PLSCR2: variants seen among roughly 807,000 people sequenced by gnomAD.
The protein encoded by PLSCR2 is PL scramblase 2.
PLSCR2 carries 18 observed loss-of-function variants against 25.3 expected under a neutral mutation model. That is an observed-to-expected ratio of 0.71 (90% confidence interval 0.49 to 1.06). The LOEUF is 1.06. PLSCR2 is among the 50% of genes least tolerant of loss of function. The probability of loss-of-function intolerance (pLI) is 0.00; values close to 1 mark genes in which losing one functional copy is unlikely to be tolerated. For missense variants in PLSCR2, 243 were observed against 269.5 expected, an observed-to-expected ratio of 0.90 and a Z score of 0.69; for synonymous variants, 88 against 87.3, an observed-to-expected ratio of 1.01 and a Z score of -0.04.
At chr3:146,441,183 T>TA (rs1386277980), downstream of PLSCR2, among the ~76,000 whole-genome samples, 1 of 151,964 alleles carries the variant, frequency 6.6e-6, no homozygotes, top group Non-Finnish European at 1.5e-5. Flanking sequence ...TTCTGAAGAT[T>TA]AAAAAATACT....
At chr3:146,444,747 T>G (rs2040448394) in intron 6 of PLSCR2, among the ~76,000 whole-genome samples, 1 of 152,098 alleles carries the variant, frequency 6.6e-6, no homozygotes, top group African/African-American at 2.4e-5. Flanking sequence ...TTAGTCCATT[T>G]ATATTCAATG....
chr3:146,491,797 T>C (rs2043561387), intron 1 of PLSCR2, among the ~76,000 whole-genome samples: 1 of 152,206 alleles, frequency 6.6e-6, no homozygotes. Flanking sequence ...TCTGTATCTT[T>C]GAGGTTCCTT....
At chr3:146,412,766 G>A (rs948479257) in intron 2 of PLSCR2, among the ~76,000 whole-genome samples, 5 of 152,040 alleles carry the variant, frequency 3.3e-5, no homozygotes, top group Non-Finnish European at 7.4e-5. Flanking sequence ...TTCCCCTATT[G>A]GCTAGGGTTG....
At chr3:146,406,970 C>T (rs2038678104) in intron 2 of PLSCR2, among the ~76,000 whole-genome samples, 1 of 152,114 alleles carries the variant, frequency 6.6e-6, no homozygotes, top group African/African-American at 2.4e-5. Flanking sequence ...TGTGATATTT[C>T]TGCTAATTGG....
chr3:146,491,296 T>C (rs989680027), intron 1 of PLSCR2, among the ~76,000 whole-genome samples: 2 of 152,036 alleles, frequency 1.3e-5, no homozygotes, highest in Admixed American at 1.3e-4. Context: ...GTTGGTTTGT[T>C]TGCATTGACT....
intron 2 of PLSCR2, 118 bp from the exon 3 acceptor site, chr3:146,458,571 A>G: frequency 1.5e-6 from 1 of 672,918 alleles, no homozygotes; most frequent in Non-Finnish European, 2.1e-6. Context: ...TCAATATCAA[A>G]TTTTAATAAG....
At chr3:146,419,521 A>G (rs1430011934) in intron 2 of PLSCR2, among the ~76,000 whole-genome samples, 7 of 152,270 alleles carry the variant, frequency 4.6e-5, no homozygotes, top group African/African-American at 1.7e-4. Flanking sequence ...TGTTGCTGCT[A>G]TAACACATCA....
chr3:146,477,619 G>A (rs2042333390), intron 1 of PLSCR2, among the ~76,000 whole-genome samples: 1 of 152,224 alleles, frequency 6.6e-6, no homozygotes, highest in South Asian at 2.1e-4. Flanking sequence ...AGCTCAGCAA[G>A]GCCTACAGCC....
upstream of PLSCR2, among the ~76,000 whole-genome samples, chr3:146,461,580 A>G (rs1212765444): frequency 6.6e-6 from 1 of 152,216 alleles, no homozygotes; most frequent in Non-Finnish European, 1.5e-5. Flanking sequence ...TTAGATGGAT[A>G]TAATTTATGT....
intron 6 of PLSCR2, among the ~76,000 whole-genome samples, chr3:146,448,640 T>C (rs949589813): frequency 1.3e-5 from 2 of 152,212 alleles, no homozygotes; most frequent in Non-Finnish European, 2.9e-5. Context: ...CTTCTGACTC[T>C]GAGCTTCTTG....
At chr3:146,425,789 C>G (rs1302608946) in intron 2 of PLSCR2, among the ~76,000 whole-genome samples, 1 of 152,080 alleles carries the variant, frequency 6.6e-6, no homozygotes, top group East Asian at 1.9e-4. Flanking sequence ...GTTAAAGGCA[C>G]TGAAGGGGTG....
intron 2 of PLSCR2, among the ~76,000 whole-genome samples, chr3:146,425,567 A>C (rs188626626): frequency 6.6e-6 from 1 of 152,256 alleles, no homozygotes; most frequent in African/African-American, 2.4e-5. Context: ...AAAAATGTGG[A>C]AGTAGCTTTG....
At chr3:146,419,662 G>A (rs1438312750) in intron 2 of PLSCR2, among the ~76,000 whole-genome samples, 1 of 151,980 alleles carries the variant, frequency 6.6e-6, no homozygotes, top group Non-Finnish European at 1.5e-5. Flanking sequence ...TTTTGTTTCA[G>A]GTTTTGTTTT....
chr3:146,485,970 C>T (rs991711926), intron 1 of PLSCR2, among the ~76,000 whole-genome samples: 2 of 152,004 alleles, frequency 1.3e-5, no homozygotes, highest in Admixed American at 6.6e-5. Flanking sequence ...AAAGACCCAC[C>T]CCCATGATTC....
chr3:146,492,736 A>AT (rs1371375720), intron 1 of PLSCR2, among the ~76,000 whole-genome samples: 3 of 152,028 alleles, frequency 2.0e-5, no homozygotes, highest in Non-Finnish European at 4.4e-5. Context: ...ACCTGGAGGA[A>AT]TTTTAAAAAA....
chr3:146,439,108 T>C (rs540102927), downstream of PLSCR2, among the ~76,000 whole-genome samples: 1 of 152,244 alleles, frequency 6.6e-6, no homozygotes, highest in Non-Finnish European at 1.5e-5. Context: ...TGGCCCCCAC[T>C]CTCTTCTGGC....
intron 1 of PLSCR2, among the ~76,000 whole-genome samples, chr3:146,470,101 T>C (rs1276380985): frequency 6.6e-6 from 1 of 152,138 alleles, no homozygotes; most frequent in Non-Finnish European, 1.5e-5. Flanking sequence ...CTTCTCCCTT[T>C]TCTTTCCAAC....
chr3:146,412,704 G>A (rs1426453768), intron 2 of PLSCR2, among the ~76,000 whole-genome samples: 1 of 152,198 alleles, frequency 6.6e-6, no homozygotes, highest in African/African-American at 2.4e-5. Flanking sequence ...CCTGAACAAG[G>A]GAGGGGAAGA....
intron 8 of PLSCR2, among the ~76,000 whole-genome samples, chr3:146,434,715 TTTAG>T (rs1420372325): frequency 6.6e-6 from 1 of 152,074 alleles, no homozygotes; most frequent in Non-Finnish European, 1.5e-5. Context: ...CCAATAGTGA[TTTAG>T]TTATTCAATT....
Sources: allele counts gnomAD v4.1 joint callset (sites outside exome capture counted in the v4.1 genomes callset), GRCh38; gene constraint gnomAD v4.1.1; transcripts MANE v1.5; gene names NCBI Gene and HGNC (gene_info 2026-07-23, HGNC 2026-07-21).